Variants in CELSR2 observed in about 807,000 individuals in gnomAD.
CELSR2 encodes the protein EGF-like protein 2.
CELSR2 carries 81 observed loss-of-function variants against 251.6 expected under a neutral mutation model. That is an observed-to-expected ratio of 0.32 (90% CI 0.27 to 0.39). CELSR2 has a LOEUF of 0.39. Ranked by LOEUF, CELSR2 falls within the 10% of genes least tolerant of loss-of-function variation. The pLI is 1.00. For synonymous variants in CELSR2, 1,721 were observed against 1,670.5 expected (o/e 1.03, Z -0.74); for missense variants, 3,365 against 3,947.7 (o/e 0.85, Z 3.96).
rs144552794 is a variant in CELSR2 at position 109,251,689 on chromosome 1, A to G, written c.1610A>G (p.Asn537Ser). 1.4e-4 allele frequency: 233 copies of G among 1,614,004 alleles called. 1 individual carries two copies. The African/African-American group carries it at 2.5e-3, about 17-fold the overall frequency. ...VQAIDADAGD[N>S]ARLEYRLAGV... ...GCTATCGACGCTGATGCTGGTGACA[A>G]TGCCCGCCTGGAATACCGCCTTGCT... The change falls in exon 1 of 34, where the codon AAT becomes AGT. Residue 537 changes from asparagine (N) to serine (S), a missense_variant. Asn to Ser is a conservative substitution (Grantham distance 46, BLOSUM62 1). Transcript: ENST00000271332. This position sits in a 1 kb window ranked among gnomAD's most constrained non-coding sequence, Gnocchi z 4.9.
rs775483178 is a variant in CELSR2, at chr1:109,265,866, G to T, written c.5859G>T (p.Gln1953His). The T allele has an allele frequency of 2.5e-6, 4 of 1,614,096 alleles. No homozygotes were observed. The highest frequency in any genetic ancestry group is 2.5e-6 in the Non-Finnish European group (3 of 1,180,008). The change falls in exon 14 of 34, where the codon CAG becomes CAT. Residue 1953 changes from glutamine to histidine, a missense_variant. Physicochemically the swap from Gln to His is conservative, Grantham distance 24. Coordinates refer to ENST00000271332, the MANE Select transcript of CELSR2 (RefSeq NM_001408.3). ...GCAAGCCAGGTGTCATCGGGCGTCA[G>T]TGTGACCGCTGTGACAACCCTTTTG... ...CPCKPGVIGRQCDRCDNPFAE... is the reference protein window; with the variant it reads ...CPCKPGVIGRHCDRCDNPFAE...
At position 109,261,547 on chromosome 1, in the gene CELSR2, T is replaced by C; in HGVS notation, c.4216T>C (p.Tyr1406His). 6.2e-7 allele frequency: 1 copy of C among 1,614,198 alleles called. No individual in the cohort carries two copies. The highest frequency in any genetic ancestry group is 8.5e-7 in the Non-Finnish European group (1 of 1,180,028). Residue 1406 changes from tyrosine (Y) to histidine (H), a missense_variant, in exon 4 of 34, where the codon TAC (tyrosine) becomes CAC (histidine). By Grantham distance (83) the Tyr-to-His change is moderately conservative. Transcript: ENST00000271332. This position sits in a 1 kb window ranked among gnomAD's most constrained non-coding sequence, Gnocchi z 4.8. ...ATKERDGLLLYNGRFNEKHDF... is the reference protein window; with the variant it reads ...ATKERDGLLLHNGRFNEKHDF... ...AAAGGAGCGCGACGGGTTGCTGTTG[T>C]ACAATGGGCGTTTCAATGAGAAGCA... is the stretch of plus-strand genomic sequence containing the variant.
rs1656435077 is a variant in CELSR2 at position 109,273,495 on chromosome 1, C to T, written c.8569C>T (p.Pro2857Ser). 6.2e-7 allele frequency: 1 copy of T among 1,611,454 alleles called. No individual in the cohort carries two copies. Among genetic ancestry groups the T allele is most frequent in the Non-Finnish European group, 8.5e-7 (1 of 1,179,160 alleles). ...ISEKSSLLRL[P>S]LEQCTGSSRG... ...CGAGAAGAGCAGCCTCCTGCGGCTCCCCCTGGAGCAATGCACAGGGTCTTC... is the reference window on the plus strand; with the variant it reads ...CGAGAAGAGCAGCCTCCTGCGGCTCTCCCTGGAGCAATGCACAGGGTCTTC... The change falls in exon 33 of 34, where the codon CCC becomes TCC. Residue 2857 changes from proline (P) to serine (S), a missense_variant. Coordinates refer to ENST00000271332, the MANE Select transcript of CELSR2 (RefSeq NM_001408.3).
At position 109,262,922 on chromosome 1, in the gene CELSR2, G is replaced by C; in HGVS notation, c.4661G>C (p.Arg1554Pro). 6.2e-7 allele frequency: 1 copy of C among 1,613,836 alleles called. No individual in the cohort carries two copies. The highest frequency in any genetic ancestry group is 8.5e-7 in the Non-Finnish European group (1 of 1,180,008). ...ATGCGGAACCTGCAGGTGGACAGCCGGCACATAGACATGGCTGACTTCATT... is the reference window on the plus strand; with the variant it reads ...ATGCGGAACCTGCAGGTGGACAGCCCGCACATAGACATGGCTGACTTCATT... Reference protein sequence around the residue: ...GCMRNLQVDSRHIDMADFIAN... With the variant: ...GCMRNLQVDSPHIDMADFIAN... The change falls in exon 7 of 34, where the codon CGG (arginine) becomes CCG (proline). Residue 1554 changes from arginine to proline, a missense_variant. This residue lies in a region of CELSR2 where 2,093 missense variants were observed against 2,382.8 expected (regional missense o/e 0.88). Coordinates refer to ENST00000271332, the MANE Select transcript of CELSR2 (RefSeq NM_001408.3).
chr1:109,268,354 G>A (rs952844152), intron 17 of CELSR2, among the ~76,000 whole-genome samples: 7 of 152,264 alleles, frequency 4.6e-5, no homozygotes, highest in Non-Finnish European at 1.5e-5. Flanking sequence ...CCAGGCACAG[G>A]GCTGGGAAGC....
In CELSR2 at chr1:109,274,207, G is replaced by A. The variant is rs1656460751; in HGVS notation, c.*158G>A. 1.3e-6 allele frequency: 2 copies of A among 1,546,054 alleles called. No homozygotes were observed. The highest frequency in any genetic ancestry group is 1.7e-6 in the Non-Finnish European group (2 of 1,150,186). ...AGGAGCCTGGGCCTTGCCGGGAGGG[G>A]TACTCACCCCACCTAAGGCCATCTA... On this transcript the variant is annotated 3_prime_UTR_variant, in exon 34 of 34. Coordinates refer to ENST00000271332, the MANE Select transcript of CELSR2 (RefSeq NM_001408.3).
Position 109,250,267 on chromosome 1 carries a change from C to T in CELSR2, c.188C>T (p.Ser63Leu), listed in dbSNP as rs777656902. 3 of 1,612,578 alleles carry T rather than the reference C, an allele frequency of 1.9e-6. No homozygotes were observed. ...PMGWLCPSSA[S>L]NLWLYTSRCR... is the part of the protein sequence containing the mutation. The stretch of plus-strand genomic sequence containing the variant: ...GGCTGGCTCTGTCCATCCTCAGCGT[C>T]GAACCTCTGGCTCTACACCAGCCGC... The change falls in exon 1 of 34, where the codon TCG becomes TTG. Residue 63 changes from serine (S) to leucine (L), a missense_variant. By Grantham distance (145) the Ser-to-Leu change is moderately radical. This residue lies in a region of CELSR2 where 704 missense variants were observed against 784.1 expected (regional missense o/e 0.90). Coordinates refer to ENST00000271332, the MANE Select transcript of CELSR2 (RefSeq NM_001408.3). This position sits in a 1 kb window ranked among gnomAD's most constrained non-coding sequence, Gnocchi z 4.4.
In CELSR2 at chr1:109,264,237, T is replaced by G; in HGVS notation, c.5161T>G (p.Tyr1721Asp). ...CGGCCATGCCATTCTGTCCTTCGAT[T>G]ATGGGCAGCAGAGAGCAGAGGGCAA... The part of the protein sequence containing the change: ...GPGHAILSFD[Y>D]GQQRAEGNLG... The change falls in exon 10 of 34, where the codon TAT becomes GAT. Residue 1721 changes from tyrosine to aspartate, a missense_variant. By Grantham distance (160) the Tyr-to-Asp change is radical. This residue lies in a region of CELSR2 where 2,093 missense variants were observed against 2,382.8 expected (regional missense o/e 0.88). Coordinates refer to ENST00000271332, the MANE Select transcript of CELSR2 (RefSeq NM_001408.3). The G allele has an allele frequency of 6.2e-7, 1 of 1,613,948 alleles. No individual in the cohort carries two copies. The highest frequency in any genetic ancestry group is 8.5e-7 in the Non-Finnish European group (1 of 1,180,016).
chr1:109,273,368 C>G lies in CELSR2; in HGVS notation c.8509+32C>G, dbSNP rs567008619. On this transcript the variant is annotated intron_variant, in intron 32 of 33. Coordinates refer to ENST00000271332, the MANE Select transcript of CELSR2 (RefSeq NM_001408.3). ...GGGGCACCCCCAGCTGCCGAGCTCC[C>G]CTAGTCAGCAGCCTCATACCTCACA... The G allele has an allele frequency of 5.6e-4, 893 of 1,607,104 alleles. 13 individuals carry two copies. The South Asian group carries it at 9.1e-3, about 16-fold the overall frequency.
intron 1 of CELSR2, 100 bp downstream of exon 1, chr1:109,253,489 C>G: frequency 3.4e-6 from 5 of 1,479,296 alleles, no homozygotes; most frequent in Non-Finnish European, 4.5e-6. Context: ...AGCTACAGAT[C>G]CACCTCCCTG....
intron 29 of CELSR2, 37 bp from the exon 30 acceptor site, chr1:109,272,603 C>A: frequency 1.3e-6 from 2 of 1,581,136 alleles, no homozygotes; most frequent in Non-Finnish European, 1.7e-6. Context: ...GGGCAAGGGG[C>A]CAGGCTGACC....
chr1:109,259,930 A>AC (rs1322252899), intron 2 of CELSR2, among the ~76,000 whole-genome samples: 1 of 150,914 alleles, frequency 6.6e-6, no homozygotes, highest in African/African-American at 2.4e-5. Context: ...TTCTCAGGAC[A>AC]CCCCCTGCTC....
chr1:109,254,763 C>G (rs907507530), intron 1 of CELSR2, among the ~76,000 whole-genome samples: 1 of 152,122 alleles, frequency 6.6e-6, no homozygotes, highest in Non-Finnish European at 1.5e-5. Flanking sequence ...CCCCACCCTT[C>G]AAAGTAGCCA....
Position 109,262,974 on chromosome 1 carries a change from G to T in CELSR2, c.4708+5G>T. On this transcript the variant is annotated splice_donor_5th_base_variant and intron_variant, in intron 7 of 33. Transcript: ENST00000271332. The stretch of plus-strand genomic sequence containing the variant: ...CCAACAATGGCACCGTGCCTGGTAT[G>T]GGGGCCCGGGGTGGAGCCAGGCTGG... 1.2e-6 allele frequency: 2 copies of T among 1,609,698 alleles called. No homozygotes were observed. The highest frequency in any genetic ancestry group is 1.7e-6 in the Non-Finnish European group (2 of 1,176,578).
At position 109,251,249 on chromosome 1, in the gene CELSR2, G is replaced by A; in HGVS notation, c.1170G>A (p.Glu390=). ...CAGCCGCTGTTTTCCTTTCTGTGGA[G>A]GATGACAATGATAATGCCCCCCAGT... The part of the protein sequence containing the change: ...STTAAVFLSV[E]DDNDNAPQFS... The change falls in exon 1 of 34, where the codon GAG becomes GAA. Residue 390 remains glutamate, a synonymous_variant. Coordinates refer to ENST00000271332, the MANE Select transcript of CELSR2 (RefSeq NM_001408.3). This position sits in a 1 kb window ranked among gnomAD's most constrained non-coding sequence, Gnocchi z 4.9. 1 of 1,614,108 alleles carries A rather than the reference G, an allele frequency of 6.2e-7. No individual in the cohort carries two copies. The highest frequency in any genetic ancestry group is 8.5e-7 in the Non-Finnish European group (1 of 1,179,998).
chr1:109,268,513 C>G (rs986683120), intron 17 of CELSR2, 68 bp from the exon 18 acceptor site: 1 of 1,521,490 alleles, frequency 6.6e-7, no homozygotes, highest in Non-Finnish European at 8.8e-7. Context: ...GGGCACAGGC[C>G]GGGGCTCCAT....
At chr1:109,270,779 C>T (rs1656349047) in intron 24 of CELSR2, 148 bp from the exon 25 acceptor site, 2 of 1,018,006 alleles carry the variant, frequency 2.0e-6, no homozygotes, top group Admixed American at 2.1e-5. Flanking sequence ...GCGTCACTCC[C>T]TTATCCTGGG....
chr1:109,263,546 G>GC lies in CELSR2; in HGVS notation c.4835-64dup, dbSNP rs1656089025. 8 of 1,581,112 alleles carry GC rather than the reference G, an allele frequency of 5.1e-6. No individual in the cohort carries two copies. In the Admixed American group the frequency reaches 1.4e-4, roughly 27 times the overall value. ...CCTCCCGTGCAGCCGCCACCGCTGAGCATCACAGCCCCAGGGCCCTCTGAG... is the reference window on the plus strand; with the variant it reads ...CCTCCCGTGCAGCCGCCACCGCTGAGCCATCACAGCCCCAGGGCCCTCTGAG... On this transcript the variant is annotated intron_variant, in intron 8 of 33. Coordinates refer to ENST00000271332, the MANE Select transcript of CELSR2 (RefSeq NM_001408.3).
At chr1:109,257,335 A>G (rs1463977143) in intron 1 of CELSR2, among the ~76,000 whole-genome samples, 1 of 149,552 alleles carries the variant, frequency 6.7e-6, no homozygotes, top group Non-Finnish European at 1.5e-5. Context: ...TGTAGGCGAC[A>G]GAGAGTCTGT....
Sources: allele counts gnomAD v4.1 joint callset (sites outside exome capture counted in the v4.1 genomes callset), GRCh38; gene constraint gnomAD v4.1.1; regional missense constraint gnomAD v4.1.1; non-coding constraint Gnocchi (gnomAD v3.1); transcripts MANE v1.5; gene names NCBI Gene and HGNC (gene_info 2026-07-23, HGNC 2026-07-21).